The following ENPP2 variants were observed in gnomAD, a reference collection of about 807,000 sequenced individuals.
ENPP2 encodes the protein autotaxin.
In ENPP2, 51 loss-of-function variants were observed where a neutral mutation model predicts 120.2. That is an observed-to-expected ratio of 0.42 (90% CI 0.34 to 0.54). The LOEUF (loss-of-function observed/expected upper bound fraction) is 0.54, where lower values mean the gene tolerates loss of function less well. Ranked by LOEUF, ENPP2 falls within the 20% of genes least tolerant of loss-of-function variation. ENPP2 has a pLI of 0.04. For missense variants in ENPP2, 920 were observed against 1,066.5 expected (o/e 0.86, Z 1.91); for synonymous variants, 365 against 366.4 (o/e 1.00, Z 0.04).
intron 11 of ENPP2, among the ~76,000 whole-genome samples, chr8:119,597,499 A>G (rs1163934548): frequency 6.6e-6 from 1 of 152,148 alleles, no homozygotes; most frequent in East Asian, 1.9e-4. Flanking sequence ...ATGAAAGCTA[A>G]GTTTTCACTG....
intron 1 of ENPP2, among the ~76,000 whole-genome samples, chr8:119,660,976 G>T (rs990677204): frequency 1.3e-5 from 2 of 152,024 alleles, no homozygotes; most frequent in African/African-American, 4.8e-5. Context: ...ATCTGATAAG[G>T]GCCTAAGATC....
chr8:119,660,696 G>C (rs1321168192), intron 1 of ENPP2, among the ~76,000 whole-genome samples: 1 of 152,166 alleles, frequency 6.6e-6, no homozygotes. Flanking sequence ...GCTTCAATGA[G>C]AGTTTTGAGC....
chr8:119,667,822 C>T (rs764390358), intron 1 of ENPP2, among the ~76,000 whole-genome samples: 28 of 152,320 alleles, frequency 1.8e-4, no homozygotes, highest in Middle Eastern at 3.4e-3. Flanking sequence ...TCCCCATTTT[C>T]GTAAAGATCA....
intron 24 of ENPP2, among the ~76,000 whole-genome samples, chr8:119,559,195 C>T (rs774969585): frequency 3.9e-5 from 6 of 152,076 alleles, no homozygotes; most frequent in African/African-American, 7.2e-5. Context: ...TCAGTGTGAC[C>T]CTATAATTAA....
upstream of ENPP2, among the ~76,000 whole-genome samples, chr8:119,642,033 G>A (rs769852264): frequency 2.0e-5 from 3 of 152,140 alleles, no homozygotes; most frequent in East Asian, 3.8e-4. Flanking sequence ...TCCAGGCAAC[G>A]CATAATATAG....
Position 119,582,419 on chromosome 8 carries a change from T to G in ENPP2, c.1727A>C (p.Lys576Thr), listed in dbSNP as rs1812811519. The G allele has an allele frequency of 1.2e-6, 2 of 1,611,644 alleles. No individual in the cohort carries two copies. The highest frequency in any genetic ancestry group is 1.3e-5 in the African/African-American group (1 of 74,858). ...GCTCDDKVEP[K>T]NKLDELNKRL... Reference sequence around the variant, plus strand: ...AATAAACATAAAGATTATTTCTACCTTTGGCTCTACCTTATCATCACAAGT... The same window carrying G: ...AATAAACATAAAGATTATTTCTACCGTTGGCTCTACCTTATCATCACAAGT... The change falls in exon 18 of 25, where the codon AAG becomes ACG. Residue 576 changes from lysine (K) to threonine (T), a missense_variant and splice_region_variant. Physicochemically the swap from Lys to Thr is moderately conservative, Grantham distance 78. Transcript: ENST00000075322.
chr8:119,647,901 A>C (rs1426450347), intron 1 of ENPP2, among the ~76,000 whole-genome samples: 1 of 152,170 alleles, frequency 6.6e-6, no homozygotes, highest in East Asian at 1.9e-4. Context: ...GCTACTTGGA[A>C]GGCTGAGGCA....
chr8:119,658,611 A>G (rs1817832945), intron 1 of ENPP2, among the ~76,000 whole-genome samples: 1 of 152,148 alleles, frequency 6.6e-6, no homozygotes, highest in African/African-American at 2.4e-5. Flanking sequence ...GAGGATCCTC[A>G]GTTCTCAGAC....
chr8:119,640,805 A>G (rs1411284533), upstream of ENPP2, among the ~76,000 whole-genome samples: 2 of 152,022 alleles, frequency 1.3e-5, no homozygotes, highest in African/African-American at 4.8e-5. Flanking sequence ...CTGGAGTGCA[A>G]TGGCTCGATC....
intron 1 of ENPP2, among the ~76,000 whole-genome samples, chr8:119,668,771 A>T (rs1447294684): frequency 6.6e-6 from 1 of 152,132 alleles, no homozygotes; most frequent in Non-Finnish European, 1.5e-5. Flanking sequence ...TAAAAGAAAC[A>T]TATCACTATT....
chr8:119,623,262 G>A (rs951220472), intron 3 of ENPP2, among the ~76,000 whole-genome samples: 4 of 152,036 alleles, frequency 2.6e-5, no homozygotes, highest in African/African-American at 9.6e-5. Context: ...TCAGGAGTTC[G>A]AGACCAGCCT....
At position 119,557,601 on chromosome 8, in the gene ENPP2, A is replaced by C. The variant is rs772940656; in HGVS notation, c.2512T>G (p.Phe838Val). The C allele has an allele frequency of 6.2e-7, 1 of 1,612,760 alleles. No individual in the cohort carries two copies. Among genetic ancestry groups the C allele is most frequent in the African/African-American group, 1.3e-5 (1 of 74,896 alleles). Reference sequence around the variant, plus strand: ...TAGCTGCGGCTGGTCTTTCGGAAGAAGTCCAGGCTGGTGAGATGTTCAATG... The same window carrying C: ...TAGCTGCGGCTGGTCTTTCGGAAGACGTCCAGGCTGGTGAGATGTTCAATG... ...RDIEHLTSLD[F>V]FRKTSRSYPE... Residue 838 changes from phenylalanine (F) to valine (V), a missense_variant, in exon 25 of 25, where the codon TTC becomes GTC. Coordinates refer to ENST00000075322, the MANE Select transcript of ENPP2 (RefSeq NM_001040092.3).
At chr8:119,616,149 A>G (rs1044717770) in intron 8 of ENPP2, 116 bp downstream of exon 8, 8 of 877,092 alleles carry the variant, frequency 9.1e-6, no homozygotes, top group Non-Finnish European at 1.4e-5. Flanking sequence ...AGACAGAAAC[A>G]TTGCCAAGTA....
Position 119,557,405 on chromosome 8 carries a change from T to G in ENPP2, c.*116A>C. The G allele has an allele frequency of 1.2e-6, 1 of 811,960 alleles. No individual in the cohort carries two copies. The highest frequency in any genetic ancestry group is 1.9e-6 in the Non-Finnish European group (1 of 527,696). 50.3% of individuals were successfully genotyped at this position (811,960 alleles called of 1,614,324 possible). ...TCATTCAGGCATAATATGTCAGATT[T>G]GGTACAGGATTAAAATACTAACATT... On this transcript the variant is annotated 3_prime_UTR_variant, in exon 25 of 25. Transcript: ENST00000075322.
chr8:119,590,545 A>T lies in ENPP2; in HGVS notation c.1167T>A (p.Thr389=). 6.3e-7 allele frequency: 1 copy of T among 1,598,770 alleles called. No homozygotes were observed. Among genetic ancestry groups the T allele is most frequent in the Non-Finnish European group, 8.5e-7 (1 of 1,173,388 alleles). Residue 389 remains threonine (T), a synonymous_variant, in exon 13 of 25, where the codon ACT becomes ACA. Transcript: ENST00000075322. ...NVDDITLVPG[T]LGRIRSKFSN... Reference sequence around the variant, plus strand: ...TAAATTTGGATCGAATTCTTCCTAGAGTTCCAGGCACTAAAGTAATATCAT... The same window carrying T: ...TAAATTTGGATCGAATTCTTCCTAGTGTTCCAGGCACTAAAGTAATATCAT...
chr8:119,664,581 G>A (rs530254829), intron 1 of ENPP2, among the ~76,000 whole-genome samples: 5 of 152,302 alleles, frequency 3.3e-5, no homozygotes, highest in Admixed American at 6.5e-5. Context: ...CCATGCTAAG[G>A]ACATTATGCT....
chr8:119,593,221 T>A (rs1813662796), intron 12 of ENPP2, among the ~76,000 whole-genome samples: 1 of 152,178 alleles, frequency 6.6e-6, no homozygotes, highest in Non-Finnish European at 1.5e-5. Context: ...TCTTTAACAG[T>A]CATCTGAATT....
intron 1 of ENPP2, among the ~76,000 whole-genome samples, chr8:119,651,973 T>C (rs1196719584): frequency 6.6e-6 from 1 of 152,218 alleles, no homozygotes; most frequent in Non-Finnish European, 1.5e-5. Context: ...GATAGTGAGA[T>C]GAAAGGTGTG....
At chr8:119,671,636 G>A (rs148296990) in intron 1 of ENPP2, among the ~76,000 whole-genome samples, 1 of 152,336 alleles carries the variant, frequency 6.6e-6, no homozygotes, top group African/African-American at 2.4e-5. Context: ...CCTGGGAGAA[G>A]AAGGGAGAAG....
Sources: allele counts gnomAD v4.1 joint callset (sites outside exome capture counted in the v4.1 genomes callset), GRCh38; gene constraint gnomAD v4.1.1; transcripts MANE v1.5; gene names NCBI Gene and HGNC (gene_info 2026-07-23, HGNC 2026-07-21).